TSHZ2: variants seen among roughly 807,000 people sequenced by gnomAD.
TSHZ2 encodes the protein teashirt homolog 2.
TSHZ2 carries 21 observed loss-of-function variants against 74.4 expected under a neutral mutation model. That is an observed-to-expected ratio of 0.28 (90% CI 0.20 to 0.41). The LOEUF (loss-of-function observed/expected upper bound fraction) is 0.41. TSHZ2 is among the 10% of genes least tolerant of loss of function. The pLI is 1.00. For missense variants in TSHZ2, 1,244 were observed against 1,293.5 expected (o/e 0.96, Z 0.59); for synonymous variants, 540 against 515.3 (o/e 1.05, Z -0.65).
intron 1 of TSHZ2, among the ~76,000 whole-genome samples, chr20:53,001,200 A>ATGTGTG (rs1600639040): frequency 1.8e-5 from 1 of 54,374 alleles, no homozygotes; most frequent in Non-Finnish European, 4.6e-5. Context: ...GTGTGCGTTC[A>ATGTGTG]TGTGCGTGTG....
rs1986438532 is a variant in TSHZ2, at chr20:53,491,133, G to C, written c.*3998G>C. The C allele has an allele frequency of 6.7e-6, 1 of 149,548 alleles. No individual in the cohort carries two copies. Among genetic ancestry groups the C allele is most frequent in the Non-Finnish European group, 1.5e-5 (1 of 67,690 alleles). 9.3% of individuals were successfully genotyped at this position (149,548 alleles called of 1,614,324 possible). A position where few individuals can be genotyped will look rare whatever the true frequency, so the allele number is the denominator to read the frequency against. ...CTCTTCTCTGCAACAAGGATAGTAA[G>C]ATGTAGATGAATGCAAAAATAATAA... On this transcript the variant is annotated 3_prime_UTR_variant, in exon 3 of 3. Transcript: ENST00000371497.
intron 1 of TSHZ2, among the ~76,000 whole-genome samples, chr20:53,096,194 T>C (rs892634140): frequency 6.6e-6 from 1 of 152,176 alleles, no homozygotes; most frequent in Non-Finnish European, 1.5e-5. Flanking sequence ...CAGGCTGGAG[T>C]GCAGTGCTGC....
Position 53,231,990 on chromosome 20 carries a change from T to C in TSHZ2, c.41-21509T>C, listed in dbSNP as rs185668200. 1.1e-3 allele frequency among the ~76,000 whole-genome samples: 165 copies of C among 152,256 alleles called. 1 individual carries two copies. The highest frequency in any genetic ancestry group is 3.8e-3 in the African/African-American group (156 of 41,564). The stretch of plus-strand genomic sequence containing the variant: ...GCCTCAAACTCCTGGGCTCAAGCCA[T>C]CCTCCCACCTTAGCCTCCCAAACAG... On this transcript the variant is annotated intron_variant, in intron 1 of 2. Transcript: ENST00000371497.
At chr20:53,062,584 C>A (rs1305194874) in intron 1 of TSHZ2, among the ~76,000 whole-genome samples, 1 of 152,196 alleles carries the variant, frequency 6.6e-6, no homozygotes, top group Non-Finnish European at 1.5e-5. Context: ...TCATCTCCCT[C>A]AGCCTTCACA....
Position 53,253,900 on chromosome 20 carries a change from T to C in TSHZ2, c.442T>C (p.Ser148Pro), listed in dbSNP as rs932020674. 4 of 1,614,154 alleles carry C rather than the reference T, an allele frequency of 2.5e-6. No individual in the cohort carries two copies. The highest frequency in any genetic ancestry group is 3.4e-6 in the Non-Finnish European group (4 of 1,180,042). ...AGGCCTGGGCCTTGGCTTCAAGCTG[T>C]CCAATAGTGAGAGGAGGAACTGTGA... ...WSGLGLGFKL[S>P]NSERRNCDTR... Residue 148 changes from serine to proline, a missense_variant, in exon 2 of 3, where the codon TCC becomes CCC. Ser to Pro is a moderately conservative substitution (Grantham distance 74). Transcript: ENST00000371497.
At chr20:53,176,232 C>A (rs78397538) in intron 1 of TSHZ2, among the ~76,000 whole-genome samples, 2,014 of 152,292 alleles carry the variant, frequency 0.013, 50 homozygotes, top group African/African-American at 0.046. Context: ...TACCCGTTTT[C>A]CCCTCCTGTC....
At chr20:53,080,704 G>C (rs1007337942) in intron 1 of TSHZ2, among the ~76,000 whole-genome samples, 1 of 152,146 alleles carries the variant, frequency 6.6e-6, no homozygotes, top group African/African-American at 2.4e-5. Context: ...AGGTGGTAAT[G>C]TTCGCTCGCC....
chr20:53,423,374 G>C (rs1347980218), intron 2 of TSHZ2, among the ~76,000 whole-genome samples: 1 of 151,696 alleles, frequency 6.6e-6, no homozygotes, highest in African/African-American at 2.4e-5. Context: ...ACAGAGCAAG[G>C]TTCCATCTCA....
At chr20:53,172,169 A>G (rs1988219125) in intron 1 of TSHZ2, among the ~76,000 whole-genome samples, 1 of 152,242 alleles carries the variant, frequency 6.6e-6, no homozygotes, top group Non-Finnish European at 1.5e-5. Flanking sequence ...ACTCTGAACC[A>G]TATCAATTTT....
At chr20:53,193,112 G>A (rs1478343939) in intron 1 of TSHZ2, among the ~76,000 whole-genome samples, 1 of 147,824 alleles carries the variant, frequency 6.8e-6, no homozygotes, top group Non-Finnish European at 1.5e-5. Flanking sequence ...TGTGTCGTCT[G>A]TATAGAACCA....
At chr20:53,305,794 A>G (rs976638475) in intron 2 of TSHZ2, among the ~76,000 whole-genome samples, 1 of 152,288 alleles carries the variant, frequency 6.6e-6, no homozygotes, top group East Asian at 1.9e-4. Flanking sequence ...CCTGGCCAAC[A>G]TGGTGAAACC....
intron 1 of TSHZ2, among the ~76,000 whole-genome samples, chr20:53,112,754 C>T (rs756035569): frequency 2.6e-5 from 4 of 152,142 alleles, no homozygotes; most frequent in Non-Finnish European, 5.9e-5. Flanking sequence ...AATTCTTGAG[C>T]ACAAGTCATC....
chr20:53,142,361 G>A (rs780806544), intron 1 of TSHZ2, among the ~76,000 whole-genome samples: 3 of 152,164 alleles, frequency 2.0e-5, no homozygotes, highest in Non-Finnish European at 2.9e-5. Context: ...AGAAGGCCAC[G>A]TGCTTCTCTT....
At chr20:53,206,996 G>A (rs1568812990) in intron 1 of TSHZ2, among the ~76,000 whole-genome samples, 3 of 152,096 alleles carry the variant, frequency 2.0e-5, no homozygotes, top group Admixed American at 1.3e-4. Context: ...TTCAGTTTGC[G>A]GTGCCTTTCA....
At chr20:53,307,980 T>C (rs1281609082) in intron 2 of TSHZ2, among the ~76,000 whole-genome samples, 1 of 152,152 alleles carries the variant, frequency 6.6e-6, no homozygotes, top group Non-Finnish European at 1.5e-5. Flanking sequence ...CCTCTCTCAC[T>C]GGACAGAGAA....
intron 1 of TSHZ2, among the ~76,000 whole-genome samples, chr20:53,089,282 G>C (rs1381362743): frequency 1.4e-5 from 2 of 143,138 alleles, no homozygotes; most frequent in Non-Finnish European, 3.0e-5. Flanking sequence ...AAGTGAACTT[G>C]TTTAACCCAG....
intron 2 of TSHZ2, among the ~76,000 whole-genome samples, chr20:53,432,301 T>G (rs1480030158): frequency 6.6e-6 from 1 of 152,222 alleles, no homozygotes; most frequent in African/African-American, 2.4e-5. Flanking sequence ...CAAAAGACAT[T>G]ATTTCATTCT....
At chr20:53,307,769 C>T (rs1978605391) in intron 2 of TSHZ2, among the ~76,000 whole-genome samples, 1 of 152,186 alleles carries the variant, frequency 6.6e-6, no homozygotes, top group Non-Finnish European at 1.5e-5. Context: ...TGGGAAATTC[C>T]ATTATGGCCA....
intron 2 of TSHZ2, among the ~76,000 whole-genome samples, chr20:53,381,288 T>C (rs1207444048): frequency 6.6e-6 from 1 of 152,206 alleles, no homozygotes; most frequent in African/African-American, 2.4e-5. Flanking sequence ...CTGTACATCA[T>C]CCACAAAGAC....
Sources: allele counts gnomAD v4.1 joint callset (sites outside exome capture counted in the v4.1 genomes callset), GRCh38; gene constraint gnomAD v4.1.1; transcripts MANE v1.5; gene names NCBI Gene and HGNC (gene_info 2026-07-23, HGNC 2026-07-21).